Variants in GALNT14 observed in about 807,000 individuals in gnomAD.
GALNT14 encodes the protein polypeptide N-acetylgalactosaminyltransferase 14.
In GALNT14, 60 loss-of-function variants were observed where a neutral mutation model predicts 77.5. The ratio of observed to expected loss-of-function variants is 0.77; its 90% confidence interval spans 0.63 to 0.96. GALNT14 has a LOEUF of 0.96. Among genes scored for constraint, GALNT14 ranks in the 40% least tolerant of loss-of-function variants. The pLI is 0.00. For synonymous variants in GALNT14, 280 were observed against 281.7 expected, an observed-to-expected ratio of 0.99 and a Z score of 0.06; for missense variants, 710 against 731.0, an observed-to-expected ratio of 0.97 and a Z score of 0.33.
intron 1 of GALNT14, among the ~76,000 whole-genome samples, chr2:31,097,332 T>G (rs1483301841): frequency 6.6e-6 from 1 of 152,210 alleles, no homozygotes. Flanking sequence ...CATTGCCTTT[T>G]GGGGAATAAT....
intron 8 of GALNT14, 24 bp downstream of exon 8, chr2:30,944,834 C>G: frequency 6.4e-7 from 1 of 1,567,506 alleles, no homozygotes; most frequent in Non-Finnish European, 8.7e-7. Context: ...TCTGCCCACC[C>G]CTGCACAGAC....
At chr2:31,079,797 G>A (rs905795618) in intron 1 of GALNT14, among the ~76,000 whole-genome samples, 4 of 152,150 alleles carry the variant, frequency 2.6e-5, no homozygotes, top group South Asian at 4.1e-4. Context: ...AACCCAACAC[G>A]GGTCCCCCAT....
intron 1 of GALNT14, among the ~76,000 whole-genome samples, chr2:31,010,887 G>A (rs928731563): frequency 6.6e-6 from 1 of 152,214 alleles, no homozygotes; most frequent in Admixed American, 6.5e-5. Context: ...TGGCCAGCAA[G>A]GAAGTGGCAA....
chr2:31,080,335 C>A (rs1294558327), intron 1 of GALNT14, among the ~76,000 whole-genome samples: 1 of 152,166 alleles, frequency 6.6e-6, no homozygotes, highest in Non-Finnish European at 1.5e-5. Context: ...TTTAGTGTGT[C>A]CCAAATATCA....
chr2:31,035,618 TACACACACACAC>T (rs530565205), intron 1 of GALNT14, among the ~76,000 whole-genome samples: 1 of 51,240 alleles, frequency 2.0e-5, no homozygotes, highest in Non-Finnish European at 3.9e-5. Flanking sequence ...CACACACACC[TACACACACACAC>T]ACACACACAC....
chr2:30,991,787 A>G (rs1161026398), intron 2 of GALNT14, among the ~76,000 whole-genome samples: 1 of 152,152 alleles, frequency 6.6e-6, no homozygotes, highest in Non-Finnish European at 1.5e-5. Flanking sequence ...AAGTAGTGCA[A>G]CCTAGTTGGG....
chr2:31,097,900 G>C (rs1677080491), intron 1 of GALNT14, among the ~76,000 whole-genome samples: 1 of 152,156 alleles, frequency 6.6e-6, no homozygotes. Context: ...AACTAGCTGA[G>C]TACCTTCTAC....
intron 1 of GALNT14, among the ~76,000 whole-genome samples, chr2:31,064,816 G>A (rs377325075): frequency 6.6e-6 from 1 of 151,976 alleles, no homozygotes; most frequent in Non-Finnish European, 1.5e-5. Flanking sequence ...GGGGAAGAAG[G>A]AGTAAGTATA....
At chr2:31,037,103 T>C (rs1356424194) in intron 1 of GALNT14, among the ~76,000 whole-genome samples, 1 of 152,218 alleles carries the variant, frequency 6.6e-6, no homozygotes, top group African/African-American at 2.4e-5. Flanking sequence ...GGCATGCTTA[T>C]TATGCATATG....
At chr2:31,118,116 G>A (rs77634007) in intron 1 of GALNT14, among the ~76,000 whole-genome samples, 7,244 of 152,238 alleles carry the variant, frequency 0.048, 583 homozygotes, top group African/African-American at 0.16. Flanking sequence ...GTAATTAGAC[G>A]TATCATGGCA....
intron 9 of GALNT14, among the ~76,000 whole-genome samples, chr2:30,935,683 A>T (rs1666013136): frequency 6.6e-6 from 1 of 152,212 alleles, no homozygotes; most frequent in Non-Finnish European, 1.5e-5. Context: ...TGGGATATAC[A>T]GGTGCTCTAC....
chr2:31,062,215 A>T (rs891020357), intron 1 of GALNT14, among the ~76,000 whole-genome samples: 1 of 151,314 alleles, frequency 6.6e-6, no homozygotes, highest in African/African-American at 2.4e-5. Flanking sequence ...CCTCCCTTTG[A>T]CCCCCACCTC....
intron 9 of GALNT14, among the ~76,000 whole-genome samples, chr2:30,937,409 G>T (rs1223470850): frequency 1.3e-5 from 2 of 152,200 alleles, no homozygotes; most frequent in Non-Finnish European, 2.9e-5. Context: ...TGAAATCAAG[G>T]TGTCAACAGG....
intron 2 of GALNT14, among the ~76,000 whole-genome samples, chr2:30,986,250 A>G (rs1377207818): frequency 6.6e-6 from 1 of 151,866 alleles, no homozygotes; most frequent in Non-Finnish European, 1.5e-5. Context: ...AGGTGACCCA[A>G]TGAGGCTTCC....
At chr2:30,958,531 T>C in intron 3 of GALNT14, 67 bp from the exon 4 acceptor site, 1 of 1,223,440 alleles carries the variant, frequency 8.2e-7, no homozygotes, top group Non-Finnish European at 1.2e-6. Context: ...CTAACCCGAG[T>C]TTTAAATAGA....
intron 1 of GALNT14, among the ~76,000 whole-genome samples, chr2:31,109,955 T>C (rs1305920988): frequency 6.6e-6 from 1 of 152,186 alleles, no homozygotes; most frequent in Non-Finnish European, 1.5e-5. Flanking sequence ...AAATAGAAGG[T>C]GATTTCAGAG....
chr2:31,120,401 G>A (rs1348679526), intron 1 of GALNT14, among the ~76,000 whole-genome samples: 3 of 152,206 alleles, frequency 2.0e-5, no homozygotes, highest in Non-Finnish European at 2.9e-5. Context: ...CAAAGGGGGT[G>A]AAGCAGAGGG....
At chr2:31,078,739 G>T (rs1295104710) in intron 1 of GALNT14, among the ~76,000 whole-genome samples, 1 of 152,182 alleles carries the variant, frequency 6.6e-6, no homozygotes, top group Non-Finnish European at 1.5e-5. Context: ...TCAGAAGCTA[G>T]ATTGCATGGT....
chr2:30,959,977 G>A (rs918439359), intron 3 of GALNT14, among the ~76,000 whole-genome samples: 7 of 152,210 alleles, frequency 4.6e-5, no homozygotes, highest in African/African-American at 1.4e-4. Flanking sequence ...TCTGAGCCCT[G>A]ACTGGAGAGC....
Sources: gnomAD v4.1 joint callset for allele counts (sites outside exome capture counted in the v4.1 genomes callset) on GRCh38, gnomAD v4.1.1 for gene constraint, MANE v1.5 for transcripts, NCBI Gene and HGNC (gene_info 2026-07-23, HGNC 2026-07-21) for gene names.